SOX5: variants seen among roughly 807,000 people sequenced by gnomAD.
SOX5 encodes the protein transcription factor SOX-5.
A neutral mutation model predicts 92.0 loss-of-function variants in SOX5; 9 were observed. The ratio of observed to expected loss-of-function variants is 0.10; its 90% CI spans 0.06 to 0.17. The LOEUF (loss-of-function observed/expected upper bound fraction) is 0.17. Among genes scored for constraint, SOX5 ranks in the 10% least tolerant of loss-of-function variants. The probability of loss-of-function intolerance (pLI) is 1.00; values close to 1 mark genes in which losing one functional copy is unlikely to be tolerated. For missense variants in SOX5, 642 were observed against 944.5 expected (o/e 0.68, Z 4.20); for synonymous variants, 344 against 336.3 (o/e 1.02, Z -0.25).
intron 8 of SOX5, among the ~76,000 whole-genome samples, chr12:23,635,440 T>C (rs1323835672): frequency 6.6e-6 from 1 of 151,936 alleles, no homozygotes; most frequent in Non-Finnish European, 1.5e-5. Context: ...ACACCACATG[T>C]TCTCACTCAC....
At position 23,979,696 on chromosome 12, in the gene SOX5, ATGTTTTTTT is replaced by A. The variant is rs756751339; in HGVS notation, c.-1-83681_-1-83673del. Among the ~76,000 whole-genome samples, 247 of 27,330 alleles carry A rather than the reference ATGTTTTTTT, an allele frequency of 9.0e-3. 13 individuals carry two copies. The highest frequency in any genetic ancestry group is 0.014 in the Non-Finnish European group (181 of 13,322). 17.9% of individuals were successfully genotyped at this position (27,330 alleles called of 152,430 possible). A position where few individuals can be genotyped will look rare whatever the true frequency, so the allele number is the denominator to read the frequency against. ...CTTTCTTCCTTCCATATATATATAT[ATGTTTTTTT>A]TGTTTTTTTTTTTTTTTTTTTTTTT... On this transcript the variant is annotated intron_variant, in intron 4 of 4. Transcript: ENST00000446891.
At chr12:23,917,657 A>G (rs769985668) in intron 1 of SOX5, among the ~76,000 whole-genome samples, 2 of 152,214 alleles carry the variant, frequency 1.3e-5, no homozygotes, top group African/African-American at 4.8e-5. Flanking sequence ...CACTTTAAGT[A>G]TCCAAACACA....
intron 3 of SOX5, among the ~76,000 whole-genome samples, chr12:24,242,282 A>G (rs1965687130): frequency 6.6e-6 from 1 of 152,208 alleles, no homozygotes; most frequent in East Asian, 1.9e-4. Flanking sequence ...TTATGGCTAT[A>G]AATACTGCAC....
intron 4 of SOX5, among the ~76,000 whole-genome samples, chr12:23,746,591 A>G (rs2093992251): frequency 6.6e-6 from 1 of 152,166 alleles, no homozygotes; most frequent in Non-Finnish European, 1.5e-5. Context: ...ACACAAAAAT[A>G]TTGTTTCAGT....
chr12:24,489,472 A>G (rs1566292060), intron 1 of SOX5, among the ~76,000 whole-genome samples: 1 of 152,158 alleles, frequency 6.6e-6, no homozygotes, highest in African/African-American at 2.4e-5. Context: ...TGTGCCTGGA[A>G]GAAACCCAAG....
At chr12:24,078,051 A>T (rs1370014565) in intron 4 of SOX5, among the ~76,000 whole-genome samples, 4 of 150,506 alleles carry the variant, frequency 2.7e-5, no homozygotes, top group Admixed American at 6.6e-5. Flanking sequence ...TTTTACCTTT[A>T]TAATATGTAC....
At chr12:24,519,247 T>C (rs550963089) in intron 1 of SOX5, among the ~76,000 whole-genome samples, 2 of 152,300 alleles carry the variant, frequency 1.3e-5, no homozygotes, top group East Asian at 3.9e-4. Context: ...TTCTAAGTTC[T>C]GGACATATAG....
chr12:23,804,918 TATATATATATATA>T (rs2095737141), intron 3 of SOX5, among the ~76,000 whole-genome samples: 8 of 4,026 alleles, frequency 2.0e-3, no homozygotes, highest in African/African-American at 3.9e-3. Context: ...CATTGTTTTA[TATATATATATATA>T]TATATATATA....
chr12:23,954,490 C>G (rs1946046307), upstream of SOX5, among the ~76,000 whole-genome samples: 1 of 151,798 alleles, frequency 6.6e-6, no homozygotes, highest in African/African-American at 2.4e-5. Flanking sequence ...AAGGAAACTT[C>G]CAACCAATAT....
chr12:24,360,256 CAT>C (rs565043215), intron 2 of SOX5, among the ~76,000 whole-genome samples: 115 of 152,292 alleles, frequency 7.6e-4, no homozygotes, highest in African/African-American at 2.2e-3. Flanking sequence ...AACCAGCACA[CAT>C]GTTTCAGGCA....
intron 1 of SOX5, among the ~76,000 whole-genome samples, chr12:24,389,056 T>C (rs1039558524): frequency 6.6e-6 from 1 of 152,044 alleles, no homozygotes; most frequent in African/African-American, 2.4e-5. Context: ...GCTGCACCCA[T>C]TAACTCGTCA....
intron 4 of SOX5, among the ~76,000 whole-genome samples, chr12:24,043,315 C>A (rs552917070): frequency 5.9e-5 from 9 of 152,120 alleles, no homozygotes; most frequent in African/African-American, 2.2e-4. Flanking sequence ...GTACCTTGCA[C>A]GCGTAAGCAT....
intron 2 of SOX5, among the ~76,000 whole-genome samples, chr12:24,295,900 G>A (rs530623762): frequency 6.6e-6 from 1 of 152,050 alleles, no homozygotes; most frequent in Admixed American, 6.6e-5. Context: ...CTTATTTGGT[G>A]TATCTAATAT....
intron 1 of SOX5, among the ~76,000 whole-genome samples, chr12:24,388,085 A>C (rs1217959644): frequency 6.6e-6 from 1 of 152,222 alleles, no homozygotes; most frequent in African/African-American, 2.4e-5. Flanking sequence ...AAGTAATTCA[A>C]TCCTTCACTT....
At chr12:24,093,693 T>A (rs1319385926) in intron 4 of SOX5, among the ~76,000 whole-genome samples, 4 of 44,440 alleles carry the variant, frequency 9.0e-5, no homozygotes, top group Non-Finnish European at 2.1e-4. Context: ...TGGTTGTCCT[T>A]TTTTTTTTTT....
At chr12:23,669,027 C>T (rs1284444597) in intron 6 of SOX5, among the ~76,000 whole-genome samples, 1 of 129,480 alleles carries the variant, frequency 7.7e-6, no homozygotes, top group Non-Finnish European at 1.6e-5. Context: ...ATTATTTAAT[C>T]GGAATTTCAT....
chr12:24,201,323 C>G (rs528195580), intron 4 of SOX5, among the ~76,000 whole-genome samples: 5 of 150,954 alleles, frequency 3.3e-5, no homozygotes, highest in Non-Finnish European at 7.4e-5. Flanking sequence ...CTGATAAAAT[C>G]ACATGATTTG....
chr12:24,528,361 T>C (rs1302939561), intron 1 of SOX5, among the ~76,000 whole-genome samples: 1 of 152,192 alleles, frequency 6.6e-6, no homozygotes, highest in Admixed American at 6.5e-5. Flanking sequence ...GACAAGTCTT[T>C]CCAATTTAGG....
intron 11 of SOX5, among the ~76,000 whole-genome samples, chr12:23,562,434 T>TCC (rs2136337456): frequency 6.6e-6 from 1 of 152,336 alleles, no homozygotes; most frequent in East Asian, 1.9e-4. Flanking sequence ...TCTGTTTGAC[T>TCC]CATAAGCTTC....
Sources: gnomAD v4.1 joint callset for allele counts (sites outside exome capture counted in the v4.1 genomes callset) on GRCh38, gnomAD v4.1.1 for gene constraint, MANE v1.5 for transcripts, NCBI Gene and HGNC (gene_info 2026-07-23, HGNC 2026-07-21) for gene names.